The following ANKRD26 variants were observed in gnomAD, a reference collection of about 807,000 sequenced individuals.
The protein encoded by ANKRD26 is ankyrin repeat domain-containing protein 26.
A neutral mutation model predicts 208.7 loss-of-function variants in ANKRD26; 141 were observed. That is an observed-to-expected ratio of 0.68 (90% CI 0.59 to 0.78). The LOEUF (loss-of-function observed/expected upper bound fraction) is 0.78, where lower values mean the gene tolerates loss of function less well. Ranked by LOEUF, ANKRD26 falls within the 30% of genes least tolerant of loss-of-function variation. The pLI is 0.00. For synonymous variants in ANKRD26, 636 were observed against 660.4 expected (o/e 0.96, Z 0.57); for missense variants, 1,889 against 1,938.7 (o/e 0.97, Z 0.48).
chr10:27,043,652 G>A, intron 19 of ANKRD26, 85 bp from the exon 20 acceptor site: 3 of 1,353,066 alleles, frequency 2.2e-6, no homozygotes, highest in Non-Finnish European at 3.1e-6. Flanking sequence ...CTTTCTAAAT[G>A]AGCAAAAACA....
chr10:26,997,082 T>C (rs1332238051), intron 4 of ANKRD26, among the ~76,000 whole-genome samples: 2 of 151,960 alleles, frequency 1.3e-5, no homozygotes, highest in African/African-American at 4.8e-5. Flanking sequence ...ATACGGTCAT[T>C]ATGGATGTTG....
At chr10:27,018,949 C>G (rs977690309) in intron 29 of ANKRD26, among the ~76,000 whole-genome samples, 7 of 152,116 alleles carry the variant, frequency 4.6e-5, no homozygotes, top group Admixed American at 3.9e-4. Flanking sequence ...TGGCTATTTT[C>G]AAAACCGTAG....
downstream of ANKRD26, among the ~76,000 whole-genome samples, chr10:26,970,237 C>T (rs2052124006): frequency 6.6e-6 from 1 of 152,070 alleles, no homozygotes; most frequent in Non-Finnish European, 1.5e-5. Context: ...ACCCAAATCA[C>T]ATCTTGAATT....
intron 28 of ANKRD26, 42 bp downstream of exon 28, chr10:27,024,405 A>G (rs2053592377): frequency 1.8e-6 from 2 of 1,081,284 alleles, no homozygotes; most frequent in South Asian, 1.4e-5. Context: ...TATTAAATCA[A>G]TTAATGAATG....
At chr10:27,017,913 A>T in intron 29 of ANKRD26, 121 bp from the exon 30 acceptor site, 1 of 959,990 alleles carries the variant, frequency 1.0e-6, no homozygotes, top group South Asian at 1.7e-5. Context: ...CTGAACCATA[A>T]AAGATTCTTC....
chr10:27,020,147 T>C (rs1251542950), intron 29 of ANKRD26, among the ~76,000 whole-genome samples: 2 of 152,106 alleles, frequency 1.3e-5, no homozygotes. Flanking sequence ...TATTTTATCA[T>C]GGGATGAATT....
At chr10:27,010,462 C>T (rs1363200764) in intron 32 of ANKRD26, among the ~76,000 whole-genome samples, 1 of 152,078 alleles carries the variant, frequency 6.6e-6, no homozygotes, top group African/African-American at 2.4e-5. Flanking sequence ...TTTATATTTG[C>T]ATCATGCTTA....
chr10:27,085,375 A>G (rs1426378704), intron 5 of ANKRD26, among the ~76,000 whole-genome samples: 2 of 152,146 alleles, frequency 1.3e-5, no homozygotes, highest in African/African-American at 2.4e-5. Flanking sequence ...CTGGGATTAC[A>G]GGCGTGAGCC....
chr10:27,051,954 G>A (rs1277342149), intron 16 of ANKRD26: 23 of 985,052 alleles, frequency 2.3e-5, no homozygotes, highest in Non-Finnish European at 2.7e-5. Context: ...GCCTTGTTTG[G>A]TCCACATTTC....
chr10:27,061,216 T>C lies in ANKRD26; in HGVS notation c.1390A>G (p.Ser464Gly). 6.2e-7 allele frequency: 1 copy of C among 1,609,174 alleles called. No homozygotes were observed. The highest frequency in any genetic ancestry group is 1.1e-5 in the South Asian group (1 of 90,984). ...GCCATCTTAAAGTTTCTTGATCCAC[T>C]CATGCAAGAAGGTATATAAAACACA... ...EDVFYIPSCM[S>G]GSRNFKMAKL... is the part of the protein sequence containing the mutation. The change falls in exon 13 of 34, where the codon AGT becomes GGT. Residue 464 changes from serine (S) to glycine (G), a missense_variant. Transcript: ENST00000376087.
Position 27,048,855 on chromosome 10 carries a change from CTCTT to C in ANKRD26, c.1756_1759del (p.Lys586ValfsTer26). ...AAATTGCTGATGATCAGTTTCTCCA[CTCTT>C]TCTTTTTTGAATTAATCCATCATCA... is the stretch of plus-strand genomic sequence containing the variant. On this transcript the variant is annotated frameshift_variant, in exon 17 of 34. Coordinates refer to ENST00000376087, the MANE Select transcript of ANKRD26 (RefSeq NM_014915.3). LOFTEE classifies it high-confidence loss of function. 2.5e-6 allele frequency: 4 copies of C among 1,613,176 alleles called. No homozygotes were observed. Among genetic ancestry groups the C allele is most frequent in the Non-Finnish European group, 3.4e-6 (4 of 1,179,690 alleles).
At chr10:26,981,940 G>A (rs908453158) in intron 4 of ANKRD26, among the ~76,000 whole-genome samples, 6 of 152,128 alleles carry the variant, frequency 3.9e-5, no homozygotes, top group African/African-American at 1.4e-4. Context: ...ATGTTCCTCT[G>A]AAGAAAAAAC....
At chr10:27,004,083 A>G (rs1385889344), downstream of ANKRD26, 1 of 152,218 alleles carries the variant, frequency 6.6e-6, no homozygotes. Flanking sequence ...CACATTATTT[A>G]GAAATAAAGA....
rs2056359948 is a variant in ANKRD26, at chr10:27,093,329, T to C, written c.531+20A>G. On this transcript the variant is annotated intron_variant, in intron 3 of 33. Coordinates refer to ENST00000376087, the MANE Select transcript of ANKRD26 (RefSeq NM_014915.3). ...AAACGCATTTCAAATACTGTAAAAATAAAGTTGGTTGATCTATACCTTGTT... is the reference window on the plus strand; with the variant it reads ...AAACGCATTTCAAATACTGTAAAAACAAAGTTGGTTGATCTATACCTTGTT... 6 of 1,608,522 alleles carry C rather than the reference T, an allele frequency of 3.7e-6. No homozygotes were observed. The highest frequency in any genetic ancestry group is 5.1e-6 in the Non-Finnish European group (6 of 1,176,402).
intron 3 of ANKRD26, among the ~76,000 whole-genome samples, chr10:26,983,723 G>A (rs898885137): frequency 2.6e-5 from 4 of 152,150 alleles, no homozygotes; most frequent in Admixed American, 2.6e-4. Flanking sequence ...ACTGGATGGG[G>A]GGATACTTAG....
intron 33 of ANKRD26, 42 bp from the exon 34 acceptor site, chr10:27,005,765 T>C (rs571921115): frequency 1.5e-5 from 24 of 1,578,746 alleles, no homozygotes; most frequent in Non-Finnish European, 1.9e-5. Flanking sequence ...ACCTAAAAGA[T>C]TTCATAGTTA....
At chr10:27,084,818 G>A (rs1416408030) in intron 5 of ANKRD26, among the ~76,000 whole-genome samples, 5 of 149,052 alleles carry the variant, frequency 3.4e-5, no homozygotes, top group East Asian at 2.0e-4. Context: ...GCAGTGAGCC[G>A]AGATCGCACC....
At chr10:27,054,683 G>A (rs1432598179) in intron 15 of ANKRD26, among the ~76,000 whole-genome samples, 3 of 152,166 alleles carry the variant, frequency 2.0e-5, no homozygotes, top group Non-Finnish European at 4.4e-5. Flanking sequence ...TAAAGGGCAG[G>A]AAAGGGTAAC....
the ANKRD26 span, among the ~76,000 whole-genome samples, chr10:26,965,274 C>CA: frequency 6.6e-6 from 1 of 152,108 alleles, no homozygotes; most frequent in Non-Finnish European, 1.5e-5. Flanking sequence ...GTACTGGTAC[C>CA]AAAACAGAGA....
Sources: allele counts gnomAD v4.1 joint callset (sites outside exome capture counted in the v4.1 genomes callset), GRCh38; gene constraint gnomAD v4.1.1; transcripts MANE v1.5; gene names NCBI Gene and HGNC (gene_info 2026-07-23, HGNC 2026-07-21).